The following SGCD variants were observed in gnomAD, a reference collection of about 807,000 sequenced individuals.
The protein encoded by SGCD is delta-sarcoglycan.
SGCD carries 18 observed loss-of-function variants against 36.6 expected under a neutral mutation model. That is an observed-to-expected ratio of 0.49 (90% CI 0.34 to 0.73). SGCD has a LOEUF of 0.73. Ranked by LOEUF, SGCD falls within the 30% of genes least tolerant of loss-of-function variation. The pLI, the probability that SGCD is intolerant of heterozygous loss-of-function variation, is 0.01. For synonymous variants in SGCD, 133 were observed against 130.6 expected (o/e 1.02, Z -0.12); for missense variants, 387 against 346.7 (o/e 1.12, Z -0.92).
intron 6 of SGCD, among the ~76,000 whole-genome samples, chr5:156,607,128 T>A (rs1247071309): frequency 6.6e-6 from 1 of 152,208 alleles, no homozygotes; most frequent in East Asian, 1.9e-4. Context: ...TGTGCCAGTT[T>A]TCAAAGGGAA....
intron 1 of SGCD, among the ~76,000 whole-genome samples, chr5:156,048,652 A>G (rs1454480343): frequency 1.1e-4 from 17 of 151,806 alleles, no homozygotes; most frequent in South Asian, 2.1e-4. Context: ...CATATCCTTC[A>G]CCCACTTTTT....
chr5:156,539,223 T>TAC (rs929660195), intron 4 of SGCD, among the ~76,000 whole-genome samples: 15 of 151,692 alleles, frequency 9.9e-5, no homozygotes, highest in Non-Finnish European at 1.3e-4. Flanking sequence ...GCAACTCTGA[T>TAC]ACACACACAC....
At chr5:156,358,826 ATGT>A (rs1460328242) in intron 3 of SGCD, among the ~76,000 whole-genome samples, 1 of 152,096 alleles carries the variant, frequency 6.6e-6, no homozygotes, top group Non-Finnish European at 1.5e-5. Context: ...GCATCTAGTA[ATGT>A]TGTATATGGA....
At chr5:156,095,998 C>T (rs761216703) in intron 1 of SGCD, among the ~76,000 whole-genome samples, 8 of 152,348 alleles carry the variant, frequency 5.3e-5, no homozygotes, top group Middle Eastern at 3.4e-3. Flanking sequence ...TTGACTTCCT[C>T]AGATTCCACT....
chr5:155,910,280 A>G (rs948753577), intron 1 of SGCD, among the ~76,000 whole-genome samples: 15 of 152,264 alleles, frequency 9.9e-5, no homozygotes, highest in Middle Eastern at 3.4e-3. Flanking sequence ...CCTTTACTAA[A>G]TAAGAAAGTT....
chr5:155,997,779 A>G (rs1758582372), intron 1 of SGCD, among the ~76,000 whole-genome samples: 1 of 152,246 alleles, frequency 6.6e-6, no homozygotes, highest in African/African-American at 2.4e-5. Flanking sequence ...TTTAATTTCA[A>G]ATTATGGATA....
intron 3 of SGCD, among the ~76,000 whole-genome samples, chr5:156,346,878 A>C (rs35017008): frequency 0.013 from 2,016 of 151,562 alleles, 20 homozygotes; most frequent in Middle Eastern, 0.038. Flanking sequence ...GCTCACTGCC[A>C]GCTCCACCTC....
the SGCD span, among the ~76,000 whole-genome samples, chr5:155,803,933 T>C: frequency 1.3e-5 from 2 of 152,140 alleles, no homozygotes; most frequent in African/African-American, 2.4e-5. Flanking sequence ...TAGTGACCCA[T>C]TGAGAAACAT....
chr5:156,229,299 T>TATATATATATATATAA (rs1561575035), intron 3 of SGCD, among the ~76,000 whole-genome samples: 1 of 76,420 alleles, frequency 1.3e-5, no homozygotes, highest in East Asian at 1.4e-3. Flanking sequence ...TATATATATA[T>TATATATATATATATAA]AAAATTAGTT....
At chr5:156,532,647 G>GA (rs1454475512) in intron 4 of SGCD, among the ~76,000 whole-genome samples, 4 of 151,966 alleles carry the variant, frequency 2.6e-5, no homozygotes, top group Non-Finnish European at 2.9e-5. Flanking sequence ...TTTTTTAGTT[G>GA]AGACAGGGTT....
chr5:156,340,495 A>C (rs2127712948), intron 2 of SGCD, among the ~76,000 whole-genome samples: 1 of 152,322 alleles, frequency 6.6e-6, no homozygotes, highest in South Asian at 2.1e-4. Flanking sequence ...AGTGCTGCAA[A>C]CCATATAAAT....
At chr5:155,981,417 G>T (rs888620832) in intron 1 of SGCD, among the ~76,000 whole-genome samples, 2 of 152,168 alleles carry the variant, frequency 1.3e-5, no homozygotes, top group Non-Finnish European at 2.9e-5. Context: ...CTGAGGAAGG[G>T]CAGGGCTCTA....
chr5:156,767,230 A>G lies in SGCD; in HGVS notation c.*7840A>G, dbSNP rs1003367171. 1 of 152,280 alleles carries G rather than the reference A, an allele frequency of 6.6e-6. No individual in the cohort carries two copies. Among genetic ancestry groups the G allele is most frequent in the African/African-American group, 2.4e-5 (1 of 41,558 alleles). The allele number at this position is 152,280 out of a possible 1,614,324, so 9.4% of individuals were successfully genotyped here. On this transcript the variant is annotated 3_prime_UTR_variant, in exon 9 of 9. Coordinates refer to ENST00000337851, the MANE Select transcript of SGCD (RefSeq NM_000337.6). Reference sequence around the variant, plus strand: ...GGCACATCTAAATTTAGTGAACACAAAATTAATTTTTATCTAGTCTGTGAC... The same window carrying G: ...GGCACATCTAAATTTAGTGAACACAGAATTAATTTTTATCTAGTCTGTGAC...
At chr5:156,046,308 A>T (rs1458140925) in intron 1 of SGCD, among the ~76,000 whole-genome samples, 1 of 152,020 alleles carries the variant, frequency 6.6e-6, no homozygotes, top group African/African-American at 2.4e-5. Flanking sequence ...AAAATAGCCA[A>T]GTAGATTTTT....
the SGCD span, among the ~76,000 whole-genome samples, chr5:155,795,146 A>G: frequency 0.017 from 2,646 of 152,258 alleles, 85 homozygotes; most frequent in African/African-American, 0.059. Context: ...GAAATAATGT[A>G]TCACTGTCAC....
chr5:156,681,674 T>A (rs1433229558), intron 7 of SGCD, among the ~76,000 whole-genome samples: 2 of 152,138 alleles, frequency 1.3e-5, no homozygotes, highest in Non-Finnish European at 2.9e-5. Flanking sequence ...GAACATTAGG[T>A]CTGGATGATA....
At chr5:156,472,420 A>AT (rs71577197) in intron 3 of SGCD, among the ~76,000 whole-genome samples, 115 of 151,682 alleles carry the variant, frequency 7.6e-4, no homozygotes, top group Non-Finnish European at 1.4e-3. Context: ...GACACAGATA[A>AT]TTTTTTTTTC....
the SGCD span, among the ~76,000 whole-genome samples, chr5:155,842,964 C>CT: frequency 3.9e-5 from 6 of 152,168 alleles, no homozygotes; most frequent in Non-Finnish European, 8.8e-5. Flanking sequence ...GATTATAAGA[C>CT]TATCAACTCC....
At chr5:156,568,384 T>G (rs1466130420) in intron 4 of SGCD, among the ~76,000 whole-genome samples, 1 of 151,936 alleles carries the variant, frequency 6.6e-6, no homozygotes, top group Non-Finnish European at 1.5e-5. Flanking sequence ...CCATCTCAAA[T>G]AAATAAATAA....
Sources: allele counts gnomAD v4.1 joint callset (sites outside exome capture counted in the v4.1 genomes callset), GRCh38; gene constraint gnomAD v4.1.1; transcripts MANE v1.5; gene names NCBI Gene and HGNC (gene_info 2026-07-23, HGNC 2026-07-21).